TBXAS1: variants seen among roughly 807,000 people sequenced by gnomAD.
TBXAS1 encodes thromboxane-A synthase.
A neutral mutation model predicts 60.7 loss-of-function variants in TBXAS1; 48 were observed. That is an observed-to-expected ratio of 0.79 (90% confidence interval 0.63 to 1.01). TBXAS1 has a LOEUF of 1.01. TBXAS1 is among the 50% of genes least tolerant of loss of function. TBXAS1 has a pLI of 0.00. For synonymous variants in TBXAS1, 287 were observed against 269.7 expected (o/e 1.06, Z -0.63); for missense variants, 685 against 686.3 (o/e 1.00, Z 0.02).
intron 9 of TBXAS1, among the ~76,000 whole-genome samples, chr7:139,971,659 T>C (rs967225786): frequency 3.3e-5 from 5 of 151,976 alleles, no homozygotes; most frequent in Admixed American, 1.3e-4. Flanking sequence ...TCAAAGCCCA[T>C]GCCCACAGTA....
At chr7:139,888,752 A>C (rs749881080) in intron 3 of TBXAS1, among the ~76,000 whole-genome samples, 1 of 152,176 alleles carries the variant, frequency 6.6e-6, no homozygotes, top group Non-Finnish European at 1.5e-5. Flanking sequence ...AGAAAGAAGA[A>C]GAGTAGAGGC....
intron 12 of TBXAS1, 42 bp downstream of exon 12, chr7:140,017,875 G>A: frequency 6.2e-7 from 1 of 1,613,118 alleles, no homozygotes; most frequent in Non-Finnish European, 8.5e-7. Context: ...GGGCAGGGGT[G>A]GGAGGGCCAC....
chr7:139,844,924 C>T (rs973189705), intron 1 of TBXAS1, among the ~76,000 whole-genome samples: 3 of 152,172 alleles, frequency 2.0e-5, no homozygotes, highest in Non-Finnish European at 4.4e-5. Flanking sequence ...TTGCTCATTT[C>T]CTCATTGGTG....
intron 4 of TBXAS1, among the ~76,000 whole-genome samples, chr7:139,918,018 C>A (rs1806139810): frequency 6.6e-6 from 1 of 152,122 alleles, no homozygotes; most frequent in African/African-American, 2.4e-5. Context: ...TGGATATATT[C>A]CAGAACATTC....
chr7:139,951,556 G>A (rs1403870212), intron 5 of TBXAS1, among the ~76,000 whole-genome samples: 1 of 115,278 alleles, frequency 8.7e-6, no homozygotes, highest in Non-Finnish European at 1.6e-5. Flanking sequence ...AGGAGTTCTA[G>A]ATCAGCCTGA....
At position 140,017,825 on chromosome 7, in the gene TBXAS1, GAGACCCAGGTGAGGCCCCCCTGCTC is replaced by G; in HGVS notation, c.1523_1527+20del. 2 of 1,614,098 alleles carry G rather than the reference GAGACCCAGGTGAGGCCCCCCTGCTC, an allele frequency of 1.2e-6. No homozygotes were observed. Among genetic ancestry groups the G allele is most frequent in the Non-Finnish European group, 1.7e-6 (2 of 1,179,970 alleles). Reference sequence around the variant, plus strand: ...CAAGTTCCGGTTCCAAGCCTGCCCTGAGACCCAGGTGAGGCCCCCCTGCTCAGAGGCAGGGGCAGGGGCAGGGGTG... The same window carrying G: ...CAAGTTCCGGTTCCAAGCCTGCCCTGAGAGGCAGGGGCAGGGGCAGGGGTG... On this transcript the variant is annotated splice_donor_variant and splice_donor_5th_base_variant and coding_sequence_variant and intron_variant, in exon 12 of 13. Transcript: ENST00000448866. LOFTEE classifies it high-confidence loss of function.
chr7:139,880,604 C>G (rs557838152), intron 3 of TBXAS1, among the ~76,000 whole-genome samples: 4 of 152,252 alleles, frequency 2.6e-5, no homozygotes, highest in Admixed American at 2.0e-4. Context: ...CTTTACCTTG[C>G]TTTGTTCATT....
At chr7:139,985,480 G>C (rs577162915) in intron 9 of TBXAS1, among the ~76,000 whole-genome samples, 6 of 152,088 alleles carry the variant, frequency 3.9e-5, no homozygotes, top group Non-Finnish European at 8.8e-5. Flanking sequence ...ACCCATTATC[G>C]GGTTGTCATC....
chr7:139,856,482 G>T (rs1372416714), intron 1 of TBXAS1, among the ~76,000 whole-genome samples: 1 of 152,188 alleles, frequency 6.6e-6, no homozygotes, highest in Non-Finnish European at 1.5e-5. Flanking sequence ...TTCTCATAAA[G>T]GGTTGCGGCC....
intron 3 of TBXAS1, among the ~76,000 whole-genome samples, chr7:139,879,123 G>A (rs1170729017): frequency 1.3e-5 from 2 of 152,180 alleles, no homozygotes; most frequent in Non-Finnish European, 1.5e-5. Context: ...GGGGACAATA[G>A]GGCTGGAGAA....
chr7:139,793,434 A>G (rs1452769616), intron 4 of TBXAS1, among the ~76,000 whole-genome samples: 1 of 152,140 alleles, frequency 6.6e-6, no homozygotes, highest in African/African-American at 2.4e-5. Flanking sequence ...AAAAGTATTT[A>G]TTGAACACCT....
chr7:139,967,654 C>T (rs1364386566), intron 9 of TBXAS1, among the ~76,000 whole-genome samples: 1 of 152,146 alleles, frequency 6.6e-6, no homozygotes, highest in Non-Finnish European at 1.5e-5. Flanking sequence ...GGGTCATGTG[C>T]CCCATCCTTG....
At chr7:139,944,354 G>T (rs2117249793) in intron 5 of TBXAS1, among the ~76,000 whole-genome samples, 1 of 152,334 alleles carries the variant, frequency 6.6e-6, no homozygotes, top group East Asian at 1.9e-4. Flanking sequence ...CAGAGTACAT[G>T]TAAGGGATTA....
At chr7:139,803,590 C>A (rs1797772563) in intron 4 of TBXAS1, among the ~76,000 whole-genome samples, 1 of 152,252 alleles carries the variant, frequency 6.6e-6, no homozygotes, top group South Asian at 2.1e-4. Context: ...ATGTCAGAGA[C>A]CTTTGCAGCA....
chr7:140,010,561 G>A (rs890612805), intron 10 of TBXAS1, among the ~76,000 whole-genome samples: 1 of 152,170 alleles, frequency 6.6e-6, no homozygotes, highest in African/African-American at 2.4e-5. Flanking sequence ...AGAACAAGCA[G>A]GGTGCCAGGG....
chr7:139,918,277 A>G (rs1446913814), intron 4 of TBXAS1, among the ~76,000 whole-genome samples: 2 of 152,214 alleles, frequency 1.3e-5, no homozygotes, highest in African/African-American at 4.8e-5. Flanking sequence ...TGTAAAATAC[A>G]TTAGACTAGC....
At chr7:139,873,993 G>A (rs981863809) in intron 2 of TBXAS1, among the ~76,000 whole-genome samples, 5 of 152,010 alleles carry the variant, frequency 3.3e-5, no homozygotes, top group African/African-American at 1.2e-4. Context: ...AGAAAAGAAA[G>A]CTGCTCTTTC....
chr7:139,906,309 G>T, intron 3 of TBXAS1: 1 of 157,726 alleles, frequency 6.3e-6, no homozygotes, highest in Non-Finnish European at 1.4e-5. Flanking sequence ...ACCTGCCTCG[G>T]CCTCCCAAAG....
At chr7:139,957,953 G>A (rs1214382691) in intron 8 of TBXAS1, among the ~76,000 whole-genome samples, 189 bp downstream of exon 8, 2 of 152,148 alleles carry the variant, frequency 1.3e-5, no homozygotes, top group Admixed American at 1.3e-4. Flanking sequence ...GACAAGAAAG[G>A]GAGGGTGGGA....
Sources: allele counts gnomAD v4.1 joint callset (sites outside exome capture counted in the v4.1 genomes callset), GRCh38; gene constraint gnomAD v4.1.1; transcripts MANE v1.5; gene names NCBI Gene and HGNC (gene_info 2026-07-23, HGNC 2026-07-21).